The following KATNIP variants were observed in gnomAD, a reference collection of about 807,000 sequenced individuals.
KATNIP encodes the protein katanin interacting protein.
Under a neutral mutation model 174.0 loss-of-function variants are expected in KATNIP, and 126 were observed. That is an observed-to-expected ratio of 0.72 (90% confidence interval 0.63 to 0.84). The LOEUF is 0.84. Ranked by LOEUF, KATNIP falls within the 40% of genes least tolerant of loss-of-function variation. The pLI is 0.00. For synonymous variants in KATNIP, 810 were observed against 835.7 expected, an observed-to-expected ratio of 0.97 and a Z score of 0.53; for missense variants, 1,958 against 2,109.7, an observed-to-expected ratio of 0.93 and a Z score of 1.41.
chr16:27,716,178 C>T (rs1243746475), intron 13 of KATNIP, among the ~76,000 whole-genome samples: 5 of 151,966 alleles, frequency 3.3e-5, no homozygotes, highest in African/African-American at 1.2e-4. Context: ...AACATTATGC[C>T]AAGTGAAGGA....
In KATNIP at chr16:27,750,302, G is replaced by A. The variant is rs201758562; in HGVS notation, c.3342G>A (p.Ala1114=). ...GEIAKASGTL[A]GAPEHFGDTI... ...TCGCCAAGGCCTCTGGAACCCTGGC[G>A]GGAGGTATGGCGTGTCTGTAAGAAT... is the stretch of plus-strand genomic sequence containing the variant. Residue 1114 remains alanine (A), a synonymous_variant, in exon 16 of 28, where the codon GCG becomes GCA. Coordinates refer to ENST00000261588, the MANE Select transcript of KATNIP (RefSeq NM_015202.5). The A allele has an allele frequency of 1.5e-4, 233 of 1,605,872 alleles. No individual in the cohort carries two copies. The highest frequency in any genetic ancestry group is 4.3e-5 in the Non-Finnish European group (51 of 1,175,562).
chr16:27,686,258 C>T (rs1486817637), intron 8 of KATNIP, among the ~76,000 whole-genome samples: 2 of 152,050 alleles, frequency 1.3e-5, no homozygotes, highest in African/African-American at 4.8e-5. Context: ...TATCTGGGGT[C>T]GGGGAGGGAT....
In KATNIP at chr16:27,642,695, A is replaced by G. The variant is rs555682964; in HGVS notation, c.409-5909A>G. The stretch of plus-strand genomic sequence containing the variant: ...GGAACCCAGGGCAACATGGGACACC[A>G]GGGAAGTTCTCTAATCCCAGTCCAA... On this transcript the variant is annotated intron_variant, in intron 5 of 27. Coordinates refer to ENST00000261588, the MANE Select transcript of KATNIP (RefSeq NM_015202.5). Among the ~76,000 whole-genome samples the G allele has an allele frequency of 2.0e-5, 3 of 152,208 alleles. No homozygotes were observed. The East Asian group carries it at 5.8e-4, about 29-fold the overall frequency.
At chr16:27,697,549 A>G (rs949384826) in intron 8 of KATNIP, among the ~76,000 whole-genome samples, 2 of 151,058 alleles carry the variant, frequency 1.3e-5, no homozygotes, top group Non-Finnish European at 2.9e-5. Flanking sequence ...GTTTTACTCC[A>G]ATTGCTTTTG....
intron 6 of KATNIP, among the ~76,000 whole-genome samples, chr16:27,676,354 G>T (rs1419922097): frequency 1.3e-5 from 2 of 152,152 alleles, no homozygotes; most frequent in Non-Finnish European, 2.9e-5. Context: ...CACCAGTGGT[G>T]CCTGTAACAT....
At chr16:27,611,358 A>G (rs890657939) in intron 2 of KATNIP, among the ~76,000 whole-genome samples, 7 of 152,218 alleles carry the variant, frequency 4.6e-5, no homozygotes, top group Non-Finnish European at 1.0e-4. Flanking sequence ...TGGGTGCCTT[A>G]AGTATTCATA....
intron 13 of KATNIP, among the ~76,000 whole-genome samples, chr16:27,719,255 G>T (rs2080099966): frequency 6.6e-6 from 1 of 152,144 alleles, no homozygotes; most frequent in South Asian, 2.1e-4. Flanking sequence ...GAAATGGCGG[G>T]CTTCAAGGGC....
chr16:27,716,814 GA>G (rs2079960889), intron 13 of KATNIP, among the ~76,000 whole-genome samples: 1 of 151,936 alleles, frequency 6.6e-6, no homozygotes, highest in Non-Finnish European at 1.5e-5. Context: ...GTCGTTTCAA[GA>G]ATGCTACGTA....
At chr16:27,741,573 C>T (rs1464027314) in intron 15 of KATNIP, among the ~76,000 whole-genome samples, 6 of 152,122 alleles carry the variant, frequency 3.9e-5, no homozygotes, top group Non-Finnish European at 8.8e-5. Flanking sequence ...CACAGGGCGG[C>T]TGCCACTCCA....
chr16:27,621,313 C>G (rs2076188045), intron 3 of KATNIP, among the ~76,000 whole-genome samples: 1 of 152,044 alleles, frequency 6.6e-6, no homozygotes, highest in African/African-American at 2.4e-5. Context: ...TCATGATACT[C>G]TTGGCCTCAG....
At chr16:27,613,723 A>G (rs968530434) in intron 2 of KATNIP, among the ~76,000 whole-genome samples, 1 of 152,074 alleles carries the variant, frequency 6.6e-6, no homozygotes, top group Non-Finnish European at 1.5e-5. Context: ...TGCACGATTT[A>G]TGTGTTATTA....
chr16:27,689,587 CAG>C (rs1439946013), intron 8 of KATNIP, among the ~76,000 whole-genome samples: 4 of 152,114 alleles, frequency 2.6e-5, no homozygotes, highest in African/African-American at 9.7e-5. Context: ...AGAATGATGA[CAG>C]GGCTGCAGAC....
At position 27,593,239 on chromosome 16, in the gene KATNIP, C is replaced by CT. The variant is rs1277615598; in HGVS notation, c.63+19298dup. On this transcript the variant is annotated intron_variant, in intron 2 of 27. Coordinates refer to ENST00000261588, the MANE Select transcript of KATNIP (RefSeq NM_015202.5). ...ACCCCTTAAACACCCACCCCCCACC[C>CT]TTTTTTTTTTTTTTTGTCTGAGACG... is the stretch of plus-strand genomic sequence containing the variant. Among the ~76,000 whole-genome samples, 387 of 90,546 alleles carry CT rather than the reference C, an allele frequency of 4.3e-3. 4 individuals carry two copies. The East Asian group carries it at 0.047, about 11-fold the overall frequency. 59.4% of individuals were successfully genotyped at this position (90,546 alleles called of 152,430 possible). A position where few individuals can be genotyped will look rare whatever the true frequency, so the allele number is the denominator to read the frequency against.
At position 27,673,660 on chromosome 16, in the gene KATNIP, C is replaced by T. The variant is rs189011906; in HGVS notation, c.541-4069C>T. Among the ~76,000 whole-genome samples the T allele has an allele frequency of 1.4e-4, 21 of 152,274 alleles. 1 individual carries two copies. Among genetic ancestry groups the T allele is most frequent in the African/African-American group, 5.1e-4 (21 of 41,544 alleles). On this transcript the variant is annotated intron_variant, in intron 6 of 27. Transcript: ENST00000261588. ...TAATAGATCCCAATAGGACACCTCTCCCCCAGTTGTGATCAAAAAAATCTC... is the reference window on the plus strand; with the variant it reads ...TAATAGATCCCAATAGGACACCTCTTCCCCAGTTGTGATCAAAAAAATCTC...
At chr16:27,590,631 C>T (rs1241233967) in intron 2 of KATNIP, among the ~76,000 whole-genome samples, 3 of 152,184 alleles carry the variant, frequency 2.0e-5, no homozygotes, top group Admixed American at 2.0e-4. Flanking sequence ...CCTGTAGTCA[C>T]AGCTCCTGAA....
chr16:27,564,168 C>G (rs757063898), intron 1 of KATNIP, among the ~76,000 whole-genome samples: 5 of 152,142 alleles, frequency 3.3e-5, no homozygotes, highest in Non-Finnish European at 7.3e-5. Context: ...AGCCCAAGTT[C>G]AGTTGAACTG....
chr16:27,648,653 C>T lies in KATNIP; in HGVS notation c.458C>T (p.Pro153Leu). 2 of 1,614,186 alleles carry T rather than the reference C, an allele frequency of 1.2e-6. No homozygotes were observed. Among genetic ancestry groups the T allele is most frequent in the African/African-American group, 1.3e-5 (1 of 75,056 alleles). The change falls in exon 6 of 28, where the codon CCT becomes CTT. Residue 153 changes from proline to leucine, a missense_variant. Coordinates refer to ENST00000261588, the MANE Select transcript of KATNIP (RefSeq NM_015202.5). ...GCTGGCCCACGGCTCCACATCGAAC[C>T]TCCTGTGGACTATTCTGATGATTTT... ...TEAGPRLHIE[P>L]PVDYSDDFEL...
intron 2 of KATNIP, among the ~76,000 whole-genome samples, chr16:27,585,340 A>T (rs943196280): frequency 1.6e-4 from 25 of 152,242 alleles, no homozygotes. Flanking sequence ...TGGGAATGTA[A>T]ATTAGTATGA....
At chr16:27,712,759 C>T (rs1360277808) in intron 13 of KATNIP, among the ~76,000 whole-genome samples, 1 of 152,144 alleles carries the variant, frequency 6.6e-6, no homozygotes, top group Admixed American at 6.5e-5. Context: ...TGTCAACTTC[C>T]TGCTTGACAT....
Sources: gnomAD v4.1 joint callset for allele counts (sites outside exome capture counted in the v4.1 genomes callset) on GRCh38, gnomAD v4.1.1 for gene constraint, MANE v1.5 for transcripts, NCBI Gene and HGNC (gene_info 2026-07-23, HGNC 2026-07-21) for gene names.